The following PCDH9 variants were observed in gnomAD, a reference collection of about 807,000 sequenced individuals.
PCDH9 encodes protocadherin-9.
In PCDH9, 24 loss-of-function variants were observed where a neutral mutation model predicts 70.6. The ratio of observed to expected loss-of-function variants is 0.34; its 90% CI spans 0.25 to 0.48. The LOEUF is 0.48. Ranked by LOEUF, PCDH9 falls within the 20% of genes least tolerant of loss-of-function variation. The probability of loss-of-function intolerance (pLI) is 0.99; values close to 1 mark genes in which losing one functional copy is unlikely to be tolerated. For missense variants in PCDH9, 1,281 were observed against 1,503.6 expected (o/e 0.85, Z 2.45); for synonymous variants, 562 against 558.5 (o/e 1.01, Z -0.09).
intron 4 of PCDH9, among the ~76,000 whole-genome samples, chr13:66,485,767 G>A (rs1294038051): frequency 6.6e-6 from 1 of 150,722 alleles, no homozygotes; most frequent in East Asian, 1.9e-4. Context: ...TTGAGACTGA[G>A]TTTCGCTCTT....
At chr13:66,428,866 A>G (rs1438950593) in intron 4 of PCDH9, among the ~76,000 whole-genome samples, 1 of 151,816 alleles carries the variant, frequency 6.6e-6, no homozygotes, top group Non-Finnish European at 1.5e-5. Flanking sequence ...TTTAAAAATG[A>G]TATGCCCCAA....
chr13:66,401,801 C>T (rs1466388667), intron 4 of PCDH9, among the ~76,000 whole-genome samples: 2 of 152,168 alleles, frequency 1.3e-5, no homozygotes, highest in Non-Finnish European at 2.9e-5. Context: ...CTTCCTGACC[C>T]TCTCCATTTT....
chr13:66,639,762 A>C (rs1303783368), intron 3 of PCDH9, among the ~76,000 whole-genome samples: 10 of 152,204 alleles, frequency 6.6e-5, no homozygotes, highest in Non-Finnish European at 4.4e-5. Context: ...GGTTCAAAGC[A>C]AACAGAGAGG....
chr13:66,534,879 C>T (rs563744318), intron 4 of PCDH9, among the ~76,000 whole-genome samples: 12 of 152,180 alleles, frequency 7.9e-5, no homozygotes, highest in South Asian at 4.2e-4. Flanking sequence ...AAAAATAGCT[C>T]TTGTCAACTG....
intron 3 of PCDH9, among the ~76,000 whole-genome samples, chr13:66,722,589 AGT>A (rs1270766843): frequency 6.6e-6 from 1 of 152,086 alleles, no homozygotes; most frequent in African/African-American, 2.4e-5. Flanking sequence ...TTCCTGTCTG[AGT>A]GTCTGCTGAT....
chr13:66,863,491 T>C (rs1260669105), intron 3 of PCDH9, among the ~76,000 whole-genome samples: 1 of 152,188 alleles, frequency 6.6e-6, no homozygotes, highest in Non-Finnish European at 1.5e-5. Context: ...TTATTTGTTT[T>C]GTTTTGTTTT....
At chr13:67,078,937 C>T (rs1190663023) in intron 2 of PCDH9, among the ~76,000 whole-genome samples, 4 of 151,986 alleles carry the variant, frequency 2.6e-5, no homozygotes, top group African/African-American at 4.8e-5. Flanking sequence ...CAGTCTGGAC[C>T]TAGTCTACAA....
At chr13:66,362,473 G>A (rs1956487787) in intron 4 of PCDH9, among the ~76,000 whole-genome samples, 1 of 152,112 alleles carries the variant, frequency 6.6e-6, no homozygotes, top group Admixed American at 6.6e-5. Context: ...GAGAGTGAAA[G>A]TCATTGATAA....
intron 2 of PCDH9, among the ~76,000 whole-genome samples, chr13:66,905,591 A>G (rs2082347166): frequency 6.6e-6 from 1 of 151,928 alleles, no homozygotes; most frequent in African/African-American, 2.4e-5. Flanking sequence ...TTTTGGCCTC[A>G]CTCCGATTTC....
chr13:66,938,463 G>A (rs987022462), intron 2 of PCDH9, among the ~76,000 whole-genome samples: 1 of 152,132 alleles, frequency 6.6e-6, no homozygotes, highest in Non-Finnish European at 1.5e-5. Context: ...TGTGAATGGG[G>A]GATGTGGACT....
At chr13:66,334,201 C>T (rs532774765) in intron 4 of PCDH9, among the ~76,000 whole-genome samples, 8 of 152,160 alleles carry the variant, frequency 5.3e-5, no homozygotes, top group African/African-American at 1.9e-4. Flanking sequence ...ACCCCACTAC[C>T]CTTCCCAGCC....
intron 4 of PCDH9, among the ~76,000 whole-genome samples, chr13:66,550,771 A>G (rs1391926070): frequency 6.6e-6 from 1 of 152,148 alleles, no homozygotes; most frequent in Non-Finnish European, 1.5e-5. Flanking sequence ...GATTTGTGGG[A>G]AGGAAGAGGG....
At chr13:66,435,619 G>A (rs1016370315) in intron 4 of PCDH9, among the ~76,000 whole-genome samples, 2 of 152,048 alleles carry the variant, frequency 1.3e-5, no homozygotes, top group Non-Finnish European at 2.9e-5. Flanking sequence ...ATACAGCAAA[G>A]CAACTTTTAC....
At chr13:66,556,748 T>C (rs1278005918) in intron 4 of PCDH9, among the ~76,000 whole-genome samples, 1 of 152,136 alleles carries the variant, frequency 6.6e-6, no homozygotes, top group Admixed American at 6.6e-5. Flanking sequence ...AAAACTATAT[T>C]GTGGCGAATA....
chr13:66,863,860 T>C (rs2081525978), intron 3 of PCDH9, among the ~76,000 whole-genome samples: 1 of 152,080 alleles, frequency 6.6e-6, no homozygotes, highest in African/African-American at 2.4e-5. Context: ...TGCTGCTCGT[T>C]TATAAATTAC....
chr13:66,617,962 AG>A (rs1338690939), intron 4 of PCDH9, among the ~76,000 whole-genome samples: 6 of 152,054 alleles, frequency 3.9e-5, no homozygotes, highest in African/African-American at 1.4e-4. Flanking sequence ...GTCAGGTGGG[AG>A]GGGGTCCCTG....
At chr13:66,713,952 G>T (rs954041090) in intron 3 of PCDH9, among the ~76,000 whole-genome samples, 2 of 151,990 alleles carry the variant, frequency 1.3e-5, no homozygotes, top group African/African-American at 4.8e-5. Context: ...TGTAACTGAT[G>T]ATTTGAACCC....
chr13:67,201,904 T>C (rs1281772818), intron 2 of PCDH9: 3 of 152,068 alleles, frequency 2.0e-5, no homozygotes, highest in Non-Finnish European at 4.4e-5. Context: ...TCAAGGGTTT[T>C]ACATTTATTA....
chr13:66,473,279 A>T (rs1280355967), intron 4 of PCDH9, among the ~76,000 whole-genome samples: 1 of 152,234 alleles, frequency 6.6e-6, no homozygotes, highest in East Asian at 1.9e-4. Flanking sequence ...CAAGGAAAAA[A>T]ATAGCAGGGA....
Sources: allele counts gnomAD v4.1 joint callset (sites outside exome capture counted in the v4.1 genomes callset), GRCh38; gene constraint gnomAD v4.1.1; transcripts MANE v1.5; gene names NCBI Gene and HGNC (gene_info 2026-07-23, HGNC 2026-07-21).